The following HYLS1 variants were observed in gnomAD, a reference collection of about 807,000 sequenced individuals.
HYLS1 encodes centriolar and ciliogenesis-associated protein HYLS1.
HYLS1 carries 25 observed loss-of-function variants against 29.4 expected under a neutral mutation model. That is an observed-to-expected ratio of 0.85 (90% confidence interval 0.62 to 1.19). HYLS1 has a LOEUF of 1.19. HYLS1 is among the 50% of genes most tolerant of loss of function. The probability of loss-of-function intolerance (pLI) is 0.00; values close to 1 mark genes in which losing one functional copy is unlikely to be tolerated. For missense variants in HYLS1, 352 were observed against 365.1 expected, an observed-to-expected ratio of 0.96 and a Z score of 0.29; for synonymous variants, 128 against 126.7, an observed-to-expected ratio of 1.01 and a Z score of -0.07.
At position 125,900,111 on chromosome 11, in the gene HYLS1, G is replaced by A. The variant is rs139004406; in HGVS notation, c.743G>A (p.Arg248Gln). 75 of 1,613,980 alleles carry A rather than the reference G, an allele frequency of 4.6e-5. No individual in the cohort carries two copies. The highest frequency in any genetic ancestry group is 4.2e-4 in the East Asian group (19 of 44,884). The stretch of plus-strand genomic sequence containing the variant: ...GGTGTCCGAGAGCAGATGCTTTGTC[G>A]AGCAGAACCCCAATCCAAACCTCAG... ...RWGVREQMLCRAEPQSKPQHI... is the reference protein window; with the variant it reads ...RWGVREQMLCQAEPQSKPQHI... The change falls in exon 3 of 3, where the codon CGA (arginine) becomes CAA (glutamine). Residue 248 changes from arginine (R) to glutamine (Q), a missense_variant. Arg to Gln is a conservative substitution (Grantham distance 43, BLOSUM62 1). Transcript: ENST00000425380.
chr11:125,886,400 G>C (rs1179987140), upstream of HYLS1, among the ~76,000 whole-genome samples: 5 of 152,108 alleles, frequency 3.3e-5, no homozygotes, highest in Non-Finnish European at 7.3e-5. Context: ...TTTAAGAAAT[G>C]GTGTAAGATG....
chr11:125,895,554 T>A, intron 2 of HYLS1: 1 of 1,614,140 alleles, frequency 6.2e-7, no homozygotes, highest in Non-Finnish European at 8.5e-7. Context: ...GGTTACAATA[T>A]CTAAATCAGC....
At chr11:125,898,567 C>T (rs1385343978) in intron 2 of HYLS1, among the ~76,000 whole-genome samples, 1 of 152,028 alleles carries the variant, frequency 6.6e-6, no homozygotes, top group Non-Finnish European at 1.5e-5. Context: ...AGTCCAGTTA[C>T]TCCGGAGTCT....
intron 2 of HYLS1, among the ~76,000 whole-genome samples, chr11:125,892,253 A>G (rs574319802): frequency 4.8e-4 from 73 of 152,204 alleles, no homozygotes; most frequent in Non-Finnish European, 8.4e-4. Context: ...TAAGTTTGCA[A>G]AATTACTCAT....
Position 125,897,408 on chromosome 11 carries a change from C to G in HYLS1, c.-25-1936C>G, listed in dbSNP as rs1031788912. ...GTGACCTAAAAGGAAAAACTTCTGCCAGCAAAAAATAAAAGGCAAATGACA... is the reference window on the plus strand; with the variant it reads ...GTGACCTAAAAGGAAAAACTTCTGCGAGCAAAAAATAAAAGGCAAATGACA... On this transcript the variant is annotated intron_variant, in intron 2 of 2. Coordinates refer to ENST00000425380, the MANE Select transcript of HYLS1 (RefSeq NM_001134793.2). Among the ~76,000 whole-genome samples the G allele has an allele frequency of 2.6e-5, 4 of 151,070 alleles. No individual in the cohort carries two copies. In the South Asian group the frequency reaches 8.4e-4, roughly 32 times the overall value.
chr11:125,895,669 C>A, intron 2 of HYLS1: 1 of 1,614,166 alleles, frequency 6.2e-7, no homozygotes, highest in African/African-American at 1.3e-5. Context: ...GGAGGGAGTA[C>A]CCGATTGAGA....
chr11:125,884,079 G>C (rs1272622819), upstream of HYLS1: 2 of 152,326 alleles, frequency 1.3e-5, no homozygotes, highest in Middle Eastern at 3.4e-3. Context: ...GATTGTGGGA[G>C]ATTGTACAGG....
chr11:125,895,170 C>A, intron 2 of HYLS1: 1 of 1,434,424 alleles, frequency 7.0e-7, no homozygotes. Context: ...CCTCAAGCGT[C>A]CCGAGTAGCT....
At chr11:125,897,411 C>T (rs551612224) in intron 2 of HYLS1, among the ~76,000 whole-genome samples, 3 of 149,938 alleles carry the variant, frequency 2.0e-5, no homozygotes, top group Non-Finnish European at 4.4e-5. Flanking sequence ...CTTCTGCCAG[C>T]AAAAAATAAA....
chr11:125,896,221 C>G lies in HYLS1; in HGVS notation c.-25-3123C>G. On this transcript the variant is annotated intron_variant, in intron 2 of 2. Coordinates refer to ENST00000425380, the MANE Select transcript of HYLS1 (RefSeq NM_001134793.2). Reference sequence around the variant, plus strand: ...TTTTTAAGTCTTTGCACCTCTTGCTCCAGTTCTCGTACTCTTTTTAGGAGC... The same window carrying G: ...TTTTTAAGTCTTTGCACCTCTTGCTGCAGTTCTCGTACTCTTTTTAGGAGC... 2.5e-6 allele frequency: 4 copies of G among 1,614,094 alleles called. No individual in the cohort carries two copies. Among genetic ancestry groups the G allele is most frequent in the Non-Finnish European group, 3.4e-6 (4 of 1,179,970 alleles).
chr11:125,890,238 C>T (rs916034718), intron 1 of HYLS1, among the ~76,000 whole-genome samples: 1 of 50,536 alleles, frequency 2.0e-5, no homozygotes, highest in Non-Finnish European at 6.1e-5. Context: ...AGCCACTGCG[C>T]CCAGCTGTTT....
chr11:125,883,831 GCCA>G (rs939425271), upstream of HYLS1: 4 of 152,204 alleles, frequency 2.6e-5, no homozygotes, highest in African/African-American at 9.7e-5. Flanking sequence ...TCGAGATCGT[GCCA>G]CTGCACTCCA....
At chr11:125,894,587 T>C (rs1944517651) in intron 2 of HYLS1, among the ~76,000 whole-genome samples, 1 of 152,216 alleles carries the variant, frequency 6.6e-6, no homozygotes, top group African/African-American at 2.4e-5. Context: ...TCCAAATTTG[T>C]TAATGGCATT....
At chr11:125,884,478 G>A (rs971971181), upstream of HYLS1, among the ~76,000 whole-genome samples, 4 of 151,932 alleles carry the variant, frequency 2.6e-5, no homozygotes, top group Non-Finnish European at 4.4e-5. Context: ...GTGCGGTGGC[G>A]GGTGCCTGTA....
intron 2 of HYLS1, chr11:125,895,195 G>C: frequency 6.6e-7 from 1 of 1,518,768 alleles, no homozygotes. Flanking sequence ...CTACAGGCAT[G>C]TGCCATTTAT....
upstream of HYLS1, chr11:125,886,963 G>C (rs1193542068): frequency 6.7e-6 from 1 of 150,270 alleles, no homozygotes; most frequent in Non-Finnish European, 1.5e-5. Context: ...CCATGTGAAG[G>C]AGACAGGCAC....
chr11:125,895,889 C>G (rs1231642150), intron 2 of HYLS1: 2 of 1,606,394 alleles, frequency 1.2e-6, no homozygotes, highest in African/African-American at 1.3e-5. Context: ...CTTTGAGAAA[C>G]AGTGTATTGG....
chr11:125,888,940 G>A (rs12287604), intron 1 of HYLS1, among the ~76,000 whole-genome samples: 120,487 of 151,986 alleles, frequency 0.79, 48,951 homozygotes, highest in East Asian at 0.88. Context: ...TTTAGTACGT[G>A]TAAAGAAGAA....
chr11:125,895,873 T>C, intron 2 of HYLS1: 1 of 1,600,572 alleles, frequency 6.2e-7, no homozygotes, highest in Non-Finnish European at 8.5e-7. Context: ...ATCCTAGTAT[T>C]GCTTGCTTTG....
Sources: allele counts gnomAD v4.1 joint callset (sites outside exome capture counted in the v4.1 genomes callset), GRCh38; gene constraint gnomAD v4.1.1; transcripts MANE v1.5; gene names NCBI Gene and HGNC (gene_info 2026-07-23, HGNC 2026-07-21).